The following CLIC4 variants were observed in gnomAD, a reference collection of about 807,000 sequenced individuals.
CLIC4 encodes CLIC family member 4.
A neutral mutation model predicts 24.6 loss-of-function variants in CLIC4; 13 were observed. The observed-to-expected ratio is 0.53, with a 90% CI of 0.34 to 0.84. CLIC4 has a LOEUF of 0.84. CLIC4 is among the 40% of genes least tolerant of loss of function. The pLI is 0.01. For missense variants in CLIC4, 227 were observed against 301.7 expected (o/e 0.75, Z 1.83); for synonymous variants, 104 against 111.3 (o/e 0.93, Z 0.41).
At chr1:24,840,073 A>G in intron 5 of CLIC4, 32 bp downstream of exon 5, 1 of 1,579,610 alleles carries the variant, frequency 6.3e-7, no homozygotes, top group Non-Finnish European at 8.7e-7. Context: ...TCGCATTGCC[A>G]TTACCTTGTA....
intron 2 of CLIC4, among the ~76,000 whole-genome samples, chr1:24,808,834 G>A (rs547753242): frequency 1.3e-5 from 2 of 151,828 alleles, no homozygotes; most frequent in South Asian, 2.1e-4. Flanking sequence ...CCACCACCAC[G>A]CCTGACTAAT....
At chr1:24,757,415 G>T (rs373514722) in intron 1 of CLIC4, among the ~76,000 whole-genome samples, 4 of 152,162 alleles carry the variant, frequency 2.6e-5, no homozygotes, top group Non-Finnish European at 5.9e-5. Context: ...TAGAGAACAG[G>T]TGGTGGATTA....
At chr1:24,759,045 A>C (rs188875432) in intron 1 of CLIC4, among the ~76,000 whole-genome samples, 1 of 152,340 alleles carries the variant, frequency 6.6e-6, no homozygotes, top group South Asian at 2.1e-4. Flanking sequence ...AAAGCAGGTC[A>C]TGAAAGTATG....
intron 2 of CLIC4, among the ~76,000 whole-genome samples, chr1:24,812,222 A>G (rs961287990): frequency 1.3e-5 from 2 of 152,148 alleles, no homozygotes; most frequent in Non-Finnish European, 2.9e-5. Context: ...TTTCTCACTC[A>G]GTACTTTGTC....
intron 2 of CLIC4, among the ~76,000 whole-genome samples, chr1:24,812,832 C>T (rs1639628312): frequency 6.6e-6 from 1 of 151,830 alleles, no homozygotes; most frequent in Non-Finnish European, 1.5e-5. Context: ...GGTTCTCCTT[C>T]CTCAGCCTCC....
At chr1:24,758,927 C>A (rs371361146) in intron 1 of CLIC4, among the ~76,000 whole-genome samples, 11 of 152,038 alleles carry the variant, frequency 7.2e-5, no homozygotes, top group African/African-American at 2.7e-4. Flanking sequence ...TGATATGTAA[C>A]ATGTATTGAA....
rs552796592 is a variant in CLIC4 at position 24,842,693 on chromosome 1, C to T, written c.*1756C>T. ...ATTGCTTATCAAAAGTTTGAGTACC[C>T]GCTTGGTTTTTTTTTGGTAATTAAA... On this transcript the variant is annotated 3_prime_UTR_variant, in exon 6 of 6. Transcript: ENST00000374379. The T allele has an allele frequency of 7.2e-5, 11 of 152,010 alleles. No individual in the cohort carries two copies. The highest frequency in any genetic ancestry group is 5.8e-4 in the East Asian group (3 of 5,188). 9.4% of individuals were successfully genotyped at this position (152,010 alleles called of 1,614,324 possible).
At chr1:24,798,945 T>C (rs2124133436) in intron 2 of CLIC4, among the ~76,000 whole-genome samples, 1 of 152,360 alleles carries the variant, frequency 6.6e-6, no homozygotes, top group South Asian at 2.1e-4. Context: ...GTTCACTCAG[T>C]GCTCAATGGT....
At chr1:24,821,951 A>G (rs1639739141) in intron 3 of CLIC4, among the ~76,000 whole-genome samples, 1 of 152,122 alleles carries the variant, frequency 6.6e-6, no homozygotes, top group South Asian at 2.1e-4. Flanking sequence ...CTAATTATGC[A>G]CCATGCATTG....
chr1:24,774,164 C>T (rs758854623), intron 1 of CLIC4, among the ~76,000 whole-genome samples: 10 of 150,484 alleles, frequency 6.6e-5, no homozygotes, highest in East Asian at 2.0e-4. Flanking sequence ...TTAGTAGAGA[C>T]GGGGTTTCAC....
chr1:24,750,121 C>T (rs1638755690), intron 1 of CLIC4, among the ~76,000 whole-genome samples: 1 of 152,112 alleles, frequency 6.6e-6, no homozygotes, highest in South Asian at 2.1e-4. Context: ...TGGCCCACGC[C>T]TGCAGCCCTA....
chr1:24,790,254 T>G (rs1017438259), intron 1 of CLIC4, among the ~76,000 whole-genome samples: 2 of 152,088 alleles, frequency 1.3e-5, no homozygotes, highest in Admixed American at 1.3e-4. Flanking sequence ...GTATTTTTGG[T>G]AGAGACGGGG....
At chr1:24,826,149 T>A (rs927213467) in intron 3 of CLIC4, among the ~76,000 whole-genome samples, 3 of 152,252 alleles carry the variant, frequency 2.0e-5, no homozygotes, top group Admixed American at 6.5e-5. Context: ...GTGTGTGTTT[T>A]AGAAAGCTGG....
chr1:24,800,411 C>T (rs1639472882), intron 2 of CLIC4, among the ~76,000 whole-genome samples: 2 of 149,578 alleles, frequency 1.3e-5, no homozygotes, highest in Admixed American at 6.6e-5. Context: ...CAGCCCCCAG[C>T]CTGGCCAGCT....
At chr1:24,810,814 G>A (rs1262747019) in intron 2 of CLIC4, among the ~76,000 whole-genome samples, 2 of 151,782 alleles carry the variant, frequency 1.3e-5, no homozygotes, top group Admixed American at 6.6e-5. Flanking sequence ...GGCCGGGTAC[G>A]GTGGCTCACA....
At chr1:24,809,053 T>C (rs909126051) in intron 2 of CLIC4, among the ~76,000 whole-genome samples, 3 of 152,180 alleles carry the variant, frequency 2.0e-5, no homozygotes, top group African/African-American at 7.2e-5. Context: ...GGCTGACTTA[T>C]TTCATTTTGT....
chr1:24,779,208 G>A (rs1639176123), intron 1 of CLIC4, among the ~76,000 whole-genome samples: 1 of 152,120 alleles, frequency 6.6e-6, no homozygotes, highest in Admixed American at 6.5e-5. Flanking sequence ...GGTAGCTTAC[G>A]CCTGTACTCC....
chr1:24,804,385 TGTGG>T (rs1419267354), intron 2 of CLIC4, among the ~76,000 whole-genome samples: 57 of 111,652 alleles, frequency 5.1e-4, no homozygotes, highest in Non-Finnish European at 6.8e-4. Flanking sequence ...TGTGCATGTG[TGTGG>T]GTGGGTGGGT....
chr1:24,784,204 A>G (rs1178573874), intron 1 of CLIC4, among the ~76,000 whole-genome samples: 1 of 152,182 alleles, frequency 6.6e-6, no homozygotes, highest in Non-Finnish European at 1.5e-5. Flanking sequence ...TGAAAGGTAC[A>G]CAACAAACAA....
Sources: allele counts gnomAD v4.1 joint callset (sites outside exome capture counted in the v4.1 genomes callset), GRCh38; gene constraint gnomAD v4.1.1; transcripts MANE v1.5; gene names NCBI Gene and HGNC (gene_info 2026-07-23, HGNC 2026-07-21).